Variants in PRRC2C observed in about 807,000 individuals in gnomAD.
PRRC2C encodes the protein proline rich coiled-coil 2C, also known as protein PRRC2C.
A neutral mutation model predicts 317.2 loss-of-function variants in PRRC2C; 72 were observed. That is an observed-to-expected ratio of 0.23 (90% CI 0.19 to 0.28). PRRC2C has a LOEUF of 0.28. PRRC2C is among the 10% of genes least tolerant of loss of function. PRRC2C has a pLI of 1.00. For synonymous variants in PRRC2C, 1,296 were observed against 1,205.9 expected (o/e 1.07, Z -1.55); for missense variants, 3,074 against 3,459.7 (o/e 0.89, Z 2.80).
At chr1:171,551,483 G>A (rs1201557236) in intron 18 of PRRC2C, among the ~76,000 whole-genome samples, 1 of 152,092 alleles carries the variant, frequency 6.6e-6, no homozygotes, top group Non-Finnish European at 1.5e-5. Context: ...CCTTTTGTCT[G>A]TTTTGGCTTT....
chr1:171,517,669 A>G lies in PRRC2C; in HGVS notation c.605A>G (p.Gln202Arg), dbSNP rs1198598298. 1.2e-6 allele frequency: 2 copies of G among 1,613,540 alleles called. No individual in the cohort carries two copies. Among genetic ancestry groups the G allele is most frequent in the East Asian group, 2.2e-5 (1 of 44,880 alleles). ...GATCAAGATGAAAAGCTCCCTGGCC[A>G]GGATGAAAGCACAGCTGGAACATCA... ...SSDQDEKLPGQDESTAGTSEQ... is the reference protein window; with the variant it reads ...SSDQDEKLPGRDESTAGTSEQ... Residue 202 changes from glutamine to arginine, a missense_variant, in exon 6 of 35, where the codon CAG becomes CGG. This residue lies in a region of PRRC2C where 237 missense variants were observed against 199.5 expected (regional missense o/e 1.19). Coordinates refer to ENST00000647382, the MANE Select transcript of PRRC2C (RefSeq NM_001387844.1).
chr1:171,504,494 G>A (rs991030954), intron 1 of PRRC2C, among the ~76,000 whole-genome samples: 1 of 152,112 alleles, frequency 6.6e-6, no homozygotes, highest in Non-Finnish European at 1.5e-5. Flanking sequence ...TTAATATTAT[G>A]TACACATAAT....
chr1:171,561,156 A>T (rs1436160625), intron 20 of PRRC2C, 53 bp downstream of exon 20: 4 of 1,481,624 alleles, frequency 2.7e-6, no homozygotes, highest in Non-Finnish European at 3.8e-6. Flanking sequence ...CTAATACTTC[A>T]GTGTGGCCGG....
In PRRC2C at chr1:171,536,391, T is replaced by TA. The variant is rs779719490; in HGVS notation, c.2293+115dup. On this transcript the variant is annotated intron_variant, in intron 14 of 34. Coordinates refer to ENST00000647382, the MANE Select transcript of PRRC2C (RefSeq NM_001387844.1). ...AGGAAAAACTTAAACCTCCGATTTTTAATCAAAATGATGTAACTTTCAGCA... is the reference window on the plus strand; with the variant it reads ...AGGAAAAACTTAAACCTCCGATTTTTAAATCAAAATGATGTAACTTTCAGCA... The TA allele has an allele frequency of 2.6e-4, 304 of 1,186,332 alleles. 1 individual carries two copies. The highest frequency in any genetic ancestry group is 3.2e-4 in the Non-Finnish European group (273 of 849,572). 73.5% of individuals were successfully genotyped at this position (1,186,332 alleles called of 1,614,324 possible). A position where few individuals can be genotyped will look rare whatever the true frequency, so the allele number is the denominator to read the frequency against.
At position 171,536,213 on chromosome 1, in the gene PRRC2C, A is replaced by G; in HGVS notation, c.2228A>G (p.Gln743Arg). ...TTTGATCCAAGGTGGCTCATGATGC[A>G]GTCCTACATGGATCCTCGAATGATG... ...MGFDPRWLMM[Q>R]SYMDPRMMSG... The change falls in exon 14 of 35, where the codon CAG (glutamine) becomes CGG (arginine). Residue 743 changes from glutamine (Q) to arginine (R), a missense_variant. Transcript: ENST00000647382. 1.2e-6 allele frequency: 2 copies of G among 1,613,638 alleles called. No homozygotes were observed. The highest frequency in any genetic ancestry group is 1.7e-6 in the Non-Finnish European group (2 of 1,179,670).
chr1:171,505,505 C>G (rs1670010763), intron 1 of PRRC2C, among the ~76,000 whole-genome samples: 1 of 152,066 alleles, frequency 6.6e-6, no homozygotes, highest in African/African-American at 2.4e-5. Flanking sequence ...TCATATAATG[C>G]TAACTATTAC....
At chr1:171,537,851 G>A (rs936031616) in intron 15 of PRRC2C, among the ~76,000 whole-genome samples, 7 of 151,906 alleles carry the variant, frequency 4.6e-5, no homozygotes, top group African/African-American at 9.7e-5. Flanking sequence ...GACTACATGC[G>A]TTCACCACCA....
At chr1:171,547,346 T>G (rs1435871289) in intron 17 of PRRC2C, among the ~76,000 whole-genome samples, 1 of 152,116 alleles carries the variant, frequency 6.6e-6, no homozygotes. Flanking sequence ...CTACATGTAG[T>G]TGGGTGAACT....
chr1:171,541,804 G>C lies in PRRC2C; in HGVS notation c.4338G>C (p.Glu1446Asp), dbSNP rs775888955. Residue 1446 changes from glutamate to aspartate, a missense_variant, in exon 16 of 35, where the codon GAG becomes GAC. By Grantham distance (45) the Glu-to-Asp change is conservative (BLOSUM62 2). This residue lies in a region of PRRC2C where 1,320 missense variants were observed against 1,395.7 expected (regional missense o/e 0.95). Transcript: ENST00000647382. The surrounding 1 kb of genome is among the most constrained non-coding windows in gnomAD (Gnocchi z 4.1). The part of the protein sequence containing the change: ...PPRFRRLRER[E>D]AASKSNEVVA... ...GATTTAGACGGCTAAGAGAGAGGGA[G>C]GCTGCTTCAAAATCAAATGAGGTGG... 13 of 1,613,940 alleles carry C rather than the reference G, an allele frequency of 8.1e-6. No individual in the cohort carries two copies. Among genetic ancestry groups the C allele is most frequent in the Non-Finnish European group, 1.0e-5 (12 of 1,179,872 alleles).
intron 11 of PRRC2C, among the ~76,000 whole-genome samples, chr1:171,528,481 C>T (rs543058241): frequency 4.6e-5 from 7 of 151,120 alleles, no homozygotes; most frequent in South Asian, 4.2e-4. Flanking sequence ...TTAGTAGAGA[C>T]GGGGTTTCAC....
rs1347109335 is a variant in PRRC2C, at chr1:171,557,328, T to C, written c.5216T>C (p.Ile1739Thr). Residue 1739 changes from isoleucine to threonine, a missense_variant, in exon 19 of 35, where the codon ATC becomes ACC. This residue lies in a region of PRRC2C where 640 missense variants were observed against 676.1 expected (regional missense o/e 0.95). Transcript: ENST00000647382. ...TTTGCCAAAAAACAGGCTACAGGGA[T>C]CCAGCAAGCACAGTCTTCAGCCTCA... The part of the protein sequence containing the change: ...PRFAKKQATG[I>T]QQAQSSASVP... The C allele has an allele frequency of 1.9e-6, 3 of 1,551,880 alleles. No individual in the cohort carries two copies. The African/African-American group carries it at 4.1e-5, about 21-fold the overall frequency.
chr1:171,542,585 T>C (rs1678153233), intron 16 of PRRC2C, among the ~76,000 whole-genome samples: 1 of 152,214 alleles, frequency 6.6e-6, no homozygotes, highest in Admixed American at 6.5e-5. Flanking sequence ...CCTCTAATGC[T>C]ACACAGGTGT....
rs200784641 is a variant in PRRC2C, at chr1:171,588,460, C to G, written c.8154C>G (p.Ala2718=). The change falls in exon 33 of 35, where the codon GCC becomes GCG. Residue 2718 remains alanine (A), a synonymous_variant. Transcript: ENST00000647382. The part of the protein sequence containing the change: ...VYQKQFQSAP[A]TVRMTQPFPT... ...AGAAGCAGTTCCAGTCAGCCCCTGCCACTGTGAGAATGACACAACCATTTC... is the reference window on the plus strand; with the variant it reads ...AGAAGCAGTTCCAGTCAGCCCCTGCGACTGTGAGAATGACACAACCATTTC... The G allele has an allele frequency of 7.9e-4, 1,275 of 1,613,802 alleles. 3 individuals are homozygous for G. The highest frequency in any genetic ancestry group is 9.9e-4 in the Non-Finnish European group (1,165 of 1,179,740).
At chr1:171,507,703 T>C (rs1360512036) in intron 1 of PRRC2C, among the ~76,000 whole-genome samples, 1 of 152,230 alleles carries the variant, frequency 6.6e-6, no homozygotes, top group East Asian at 1.9e-4. Flanking sequence ...CCCAGCCCTT[T>C]ATGAACTTCA....
chr1:171,569,307 ATTATC>A (rs1296977891), intron 23 of PRRC2C, among the ~76,000 whole-genome samples: 1 of 151,704 alleles, frequency 6.6e-6, no homozygotes, highest in Non-Finnish European at 1.5e-5. Context: ...AAAAATCTTT[ATTATC>A]TTCTTACTTT....
chr1:171,567,636 G>T (rs1281888772), intron 22 of PRRC2C, among the ~76,000 whole-genome samples: 1 of 152,156 alleles, frequency 6.6e-6, no homozygotes, highest in Non-Finnish European at 1.5e-5. Context: ...GTAATTGATA[G>T]TAAGCTAAGA....
intron 18 of PRRC2C, among the ~76,000 whole-genome samples, chr1:171,551,863 A>G (rs1680311784): frequency 6.6e-6 from 1 of 152,188 alleles, no homozygotes; most frequent in South Asian, 2.1e-4. Flanking sequence ...TGGTTACTGT[A>G]GACTTGTAGT....
chr1:171,513,259 A>C (rs141768576), intron 3 of PRRC2C, 87 bp downstream of exon 3: 3 of 1,318,046 alleles, frequency 2.3e-6, no homozygotes, highest in Admixed American at 2.3e-5. Flanking sequence ...GCTAAGTGTT[A>C]TGCTGTCTGT....
Position 171,541,910 on chromosome 1 carries a change from A to G in PRRC2C, c.4444A>G (p.Thr1482Ala). ...NTLGDISGNK[T>A]PDLSNQNSSD... ...TCTTGGGGATATTTCCGGGAATAAG[A>G]CACCAGATTTATCTAATCAGAACTC... Residue 1482 changes from threonine to alanine, a missense_variant, in exon 16 of 35, where the codon ACA becomes GCA. By Grantham distance (58) the Thr-to-Ala change is moderately conservative (BLOSUM62 0). Around this residue, in one of 11 missense-constraint regions of PRRC2C, gnomAD observed 1,320 missense variants for 1,395.7 expected, o/e 0.95. Coordinates refer to ENST00000647382, the MANE Select transcript of PRRC2C (RefSeq NM_001387844.1). The surrounding 1 kb of genome is among the most constrained non-coding windows in gnomAD (Gnocchi z 4.1). 6.2e-7 allele frequency: 1 copy of G among 1,613,894 alleles called. No homozygotes were observed. Among genetic ancestry groups the G allele is most frequent in the Non-Finnish European group, 8.5e-7 (1 of 1,179,842 alleles).
Sources: gnomAD v4.1 joint callset for allele counts (sites outside exome capture counted in the v4.1 genomes callset) on GRCh38, gnomAD v4.1.1 for gene constraint, gnomAD v4.1.1 regional missense constraint, Gnocchi (gnomAD v3.1) non-coding constraint, MANE v1.5 for transcripts, NCBI Gene and HGNC (gene_info 2026-07-23, HGNC 2026-07-21) for gene names.